UCK2: variants seen among roughly 807,000 people sequenced by gnomAD.
The protein encoded by UCK2 is uridine-cytidine kinase 2.
Under a neutral mutation model 30.8 loss-of-function variants are expected in UCK2, and 6 were observed. The ratio of observed to expected loss-of-function variants is 0.19; its 90% CI spans 0.11 to 0.38. The LOEUF is 0.38. Among genes scored for constraint, UCK2 ranks in the 10% least tolerant of loss-of-function variants. The pLI is 1.00. For missense variants in UCK2, 210 were observed against 339.8 expected (o/e 0.62, Z 3.00); for synonymous variants, 125 against 133.6 (o/e 0.94, Z 0.45).
At chr1:165,832,394 A>G (rs1654072475) in intron 1 of UCK2, among the ~76,000 whole-genome samples, 1 of 152,230 alleles carries the variant, frequency 6.6e-6, no homozygotes, top group Non-Finnish European at 1.5e-5. Context: ...TAAGGATTTA[A>G]GAAACCATGA....
At chr1:165,900,249 T>C (rs12754456) in intron 4 of UCK2, 1 of 152,230 alleles carries the variant, frequency 6.6e-6, no homozygotes, top group Non-Finnish European at 1.5e-5. Context: ...TCAGGTTCTG[T>C]TGTGGTCGTA....
At chr1:165,906,330 G>A (rs1032890876) in intron 6 of UCK2, among the ~76,000 whole-genome samples, 4 of 152,118 alleles carry the variant, frequency 2.6e-5, no homozygotes, top group African/African-American at 7.2e-5. Context: ...CTGCCATCAC[G>A]GTAGCCCTTT....
chr1:165,906,241 T>G (rs890974209), intron 6 of UCK2, among the ~76,000 whole-genome samples: 4 of 152,212 alleles, frequency 2.6e-5, no homozygotes, highest in Admixed American at 2.6e-4. Flanking sequence ...CACTTCCCAA[T>G]GATGACACTT....
chr1:165,836,967 A>C (rs1654209054), intron 1 of UCK2, among the ~76,000 whole-genome samples: 1 of 152,066 alleles, frequency 6.6e-6, no homozygotes. Context: ...GCAGGAGGAG[A>C]GGAGGGGGAG....
intron 1 of UCK2, among the ~76,000 whole-genome samples, chr1:165,829,534 A>G (rs981680136): frequency 6.6e-6 from 1 of 152,176 alleles, no homozygotes; most frequent in Non-Finnish European, 1.5e-5. Context: ...AGGAGGCTTA[A>G]ACTTGCATAT....
At chr1:165,829,469 T>A (rs1653987963) in intron 1 of UCK2, among the ~76,000 whole-genome samples, 1 of 152,230 alleles carries the variant, frequency 6.6e-6, no homozygotes, top group South Asian at 2.1e-4. Context: ...AATGCCTGCC[T>A]GGCATGTAGT....
At chr1:165,878,601 C>T (rs1372857288) in intron 1 of UCK2, among the ~76,000 whole-genome samples, 3 of 152,182 alleles carry the variant, frequency 2.0e-5, no homozygotes, top group African/African-American at 7.2e-5. Flanking sequence ...ACCTTGGCCT[C>T]CCAAAGTGCT....
Position 165,827,902 on chromosome 1 carries a change from A to G in UCK2, c.69A>G (p.Ile23Met). The part of the protein sequence containing the change: ...QQPNGGEPFL[I>M]GVSGGTASGK... Reference sequence around the variant, plus strand: ...CCAACGGCGGCGAGCCCTTCCTTATAGGCGTCAGCGGGGGAACAGCTAGCG... The same window carrying G: ...CCAACGGCGGCGAGCCCTTCCTTATGGGCGTCAGCGGGGGAACAGCTAGCG... Residue 23 changes from isoleucine to methionine, a missense_variant, in exon 1 of 7, where the codon ATA (isoleucine) becomes ATG (methionine). By Grantham distance (10) the Ile-to-Met change is conservative (BLOSUM62 1). Around this residue, in one of 4 missense-constraint regions of UCK2, gnomAD observed 50 missense variants for 41.0 expected, o/e 1.22. Coordinates refer to ENST00000367879, the MANE Select transcript of UCK2 (RefSeq NM_012474.5). The G allele has an allele frequency of 6.8e-7, 1 of 1,462,850 alleles. No homozygotes were observed. The highest frequency in any genetic ancestry group is 9.1e-7 in the Non-Finnish European group (1 of 1,098,868). 90.6% of individuals were successfully genotyped at this position (1,462,850 alleles called of 1,614,324 possible).
In UCK2 at chr1:165,909,523, A is replaced by G. The variant is rs2101891715; in HGVS notation, c.*1700A>G. 1 of 152,084 alleles carries G rather than the reference A, an allele frequency of 6.6e-6. No individual in the cohort carries two copies. Among genetic ancestry groups the G allele is most frequent in the Admixed American group, 6.5e-5 (1 of 15,284 alleles). 9.4% of individuals were successfully genotyped at this position (152,084 alleles called of 1,614,324 possible). The stretch of plus-strand genomic sequence containing the variant: ...ATTCCCCGTTTCTGGGCTCAGTTTG[A>G]CTCTAAATCTGTTTTGCTATTTTAA... On this transcript the variant is annotated 3_prime_UTR_variant, in exon 7 of 7. Transcript: ENST00000367879.
At chr1:165,901,947 C>CAAAAA (rs35032034) in intron 4 of UCK2, among the ~76,000 whole-genome samples, 3 of 109,138 alleles carry the variant, frequency 2.7e-5, no homozygotes, top group Admixed American at 2.0e-4. Context: ...CCGTGTCTAC[C>CAAAAA]AAAAAAAAAA....
chr1:165,876,197 C>G (rs565504719), intron 1 of UCK2, among the ~76,000 whole-genome samples: 74 of 152,182 alleles, frequency 4.9e-4, no homozygotes, highest in Non-Finnish European at 9.6e-4. Flanking sequence ...TTGGGCATTT[C>G]TATGGAAACA....
At chr1:165,880,251 T>C (rs1056153392) in intron 1 of UCK2, among the ~76,000 whole-genome samples, 1 of 152,188 alleles carries the variant, frequency 6.6e-6, no homozygotes, top group Non-Finnish European at 1.5e-5. Context: ...GGACTTCAGT[T>C]CTTTCTTTCA....
At chr1:165,868,966 C>T (rs1034302700) in intron 1 of UCK2, among the ~76,000 whole-genome samples, 3 of 152,144 alleles carry the variant, frequency 2.0e-5, no homozygotes, top group African/African-American at 7.2e-5. Context: ...GACTCTTTTA[C>T]TTGAACACTT....
At chr1:165,861,927 AT>A (rs1203065715) in intron 1 of UCK2, among the ~76,000 whole-genome samples, 1 of 152,198 alleles carries the variant, frequency 6.6e-6, no homozygotes. Context: ...TTATGTTATC[AT>A]TTTCAATTAA....
intron 1 of UCK2, among the ~76,000 whole-genome samples, chr1:165,841,838 C>T (rs1308236501): frequency 6.6e-6 from 1 of 152,198 alleles, no homozygotes; most frequent in African/African-American, 2.4e-5. Context: ...GCTGTTTACA[C>T]CTCTAGATTC....
At chr1:165,861,643 AAAAAAACAAAAAAAAAC>A (rs1225359498) in intron 1 of UCK2, among the ~76,000 whole-genome samples, 4 of 93,934 alleles carry the variant, frequency 4.3e-5, no homozygotes, top group East Asian at 3.0e-4. Flanking sequence ...AAAAAAAAAA[AAAAAAACAAAAAAAAAC>A]AACAGTAAAA....
chr1:165,897,162 AC>A (rs1647291597), intron 4 of UCK2, among the ~76,000 whole-genome samples: 2 of 151,644 alleles, frequency 1.3e-5, no homozygotes, highest in Non-Finnish European at 2.9e-5. Flanking sequence ...ACGAAGAGAC[AC>A]TACAAAGTAG....
At chr1:165,902,611 T>TG (rs1156657585) in intron 4 of UCK2, 8 of 137,320 alleles carry the variant, frequency 5.8e-5, no homozygotes, top group African/African-American at 2.1e-4. Flanking sequence ...TTTTTTTTTT[T>TG]TTTTTTTTGG....
intron 3 of UCK2, chr1:165,895,810 A>C: frequency 3.8e-6 from 1 of 259,926 alleles, no homozygotes; most frequent in Non-Finnish European, 6.1e-6. Context: ...GGTTCCATAA[A>C]TGCCAGGCCA....
Sources: allele counts gnomAD v4.1 joint callset (sites outside exome capture counted in the v4.1 genomes callset), GRCh38; gene constraint gnomAD v4.1.1; regional missense constraint gnomAD v4.1.1; transcripts MANE v1.5; gene names NCBI Gene and HGNC (gene_info 2026-07-23, HGNC 2026-07-21).